The following DLGAP4 variants were observed in gnomAD, a reference collection of about 807,000 sequenced individuals.
DLGAP4 encodes disks large-associated protein 4.
In DLGAP4, 18 loss-of-function variants were observed where a neutral mutation model predicts 86.9. The observed-to-expected ratio is 0.21, with a 90% CI of 0.14 to 0.31. The LOEUF (loss-of-function observed/expected upper bound fraction) is 0.31, where lower values mean the gene tolerates loss of function less well. Ranked by LOEUF, DLGAP4 falls within the 10% of genes least tolerant of loss-of-function variation. The probability of loss-of-function intolerance (pLI) is 1.00; values close to 1 mark genes in which losing one functional copy is unlikely to be tolerated. For synonymous variants in DLGAP4, 548 were observed against 574.3 expected (o/e 0.95, Z 0.65); for missense variants, 1,085 against 1,362.6 (o/e 0.80, Z 3.21).
intron 2 of DLGAP4, among the ~76,000 whole-genome samples, chr20:36,374,527 A>T (rs575456197): frequency 6.6e-6 from 1 of 152,312 alleles, no homozygotes; most frequent in Admixed American, 6.5e-5. Context: ...CTTGATCCTG[A>T]AGGCAGTGGG....
At chr20:36,421,618 A>G (rs898873633) in intron 2 of DLGAP4, among the ~76,000 whole-genome samples, 6 of 151,672 alleles carry the variant, frequency 4.0e-5, no homozygotes, top group Admixed American at 2.0e-4. Flanking sequence ...TGGAAGGGAG[A>G]CTTGTTTTTA....
intron 2 of DLGAP4, among the ~76,000 whole-genome samples, chr20:36,406,255 A>G (rs2032316328): frequency 1.3e-5 from 2 of 151,856 alleles, no homozygotes; most frequent in Non-Finnish European, 2.9e-5. Context: ...AAAATTAGCC[A>G]GGCATGGTGG....
rs746742747 is a variant in DLGAP4 at position 36,461,527 on chromosome 20, GGCCGCC to G, written c.1648+14603_1648+14608del. The G allele has an allele frequency of 2.7e-3, 2,700 of 982,490 alleles. 8 individuals are homozygous for G. The highest frequency in any genetic ancestry group is 3.1e-3 in the Middle Eastern group (6 of 1,916). The allele number at this position is 982,490 out of a possible 1,614,324, so 60.9% of individuals were successfully genotyped here. Reference sequence around the variant, plus strand: ...GGGAGGAGGGTGAGTGCCCGCCGCTGGCCGCCGCCGCCGCCGCCAGTCCGTCCGTCT... The same window carrying G: ...GGGAGGAGGGTGAGTGCCCGCCGCTGGCCGCCGCCGCCAGTCCGTCCGTCT... On this transcript the variant is annotated intron_variant, in intron 7 of 12. Transcript: ENST00000339266.
At chr20:36,499,915 G>A (rs535826851) in intron 9 of DLGAP4, among the ~76,000 whole-genome samples, 9 of 152,310 alleles carry the variant, frequency 5.9e-5, no homozygotes, top group East Asian at 1.9e-4. Context: ...AGGACATGGC[G>A]TCAGCTGCCC....
At chr20:36,464,030 A>G (rs2034226373) in intron 7 of DLGAP4, among the ~76,000 whole-genome samples, 2 of 152,168 alleles carry the variant, frequency 1.3e-5, no homozygotes, top group Admixed American at 6.5e-5. Flanking sequence ...TATAATGACA[A>G]TCTCTAACAT....
intron 1 of DLGAP4, among the ~76,000 whole-genome samples, chr20:36,361,239 A>T (rs1303971079): frequency 1.3e-5 from 2 of 152,166 alleles, no homozygotes; most frequent in Non-Finnish European, 2.9e-5. Flanking sequence ...GTGCTATTTT[A>T]AAAAAACTAT....
intron 4 of DLGAP4, among the ~76,000 whole-genome samples, chr20:36,438,174 C>T (rs1201380304): frequency 1.3e-5 from 2 of 152,026 alleles, no homozygotes; most frequent in Admixed American, 6.6e-5. Flanking sequence ...AGGAGTTTGA[C>T]ACCAGCCTGG....
At chr20:36,320,639 G>A (rs188119701) in intron 1 of DLGAP4, among the ~76,000 whole-genome samples, 2 of 152,148 alleles carry the variant, frequency 1.3e-5, no homozygotes, top group Admixed American at 1.3e-4. Flanking sequence ...TGTCAGGGCT[G>A]GGGGAGGCAG....
In DLGAP4 at chr20:36,306,744, C is replaced by A. The variant is rs1176764463; in HGVS notation, c.-304+232C>A. Among the ~76,000 whole-genome samples the A allele has an allele frequency of 1.3e-5, 2 of 152,152 alleles. No homozygotes were observed. Among genetic ancestry groups the A allele is most frequent in the Non-Finnish European group, 2.9e-5 (2 of 68,006 alleles). ...CCTTCTCCGGTTGGGATCGCCCCAT[C>A]CATGTCTCCCCGGACCCTCAAATCG... is the stretch of plus-strand genomic sequence containing the variant. On this transcript the variant is annotated intron_variant, in intron 1 of 12. Coordinates refer to ENST00000339266, the MANE Select transcript of DLGAP4 (RefSeq NM_001365621.2). The surrounding 1 kb of genome is among the most constrained non-coding windows in gnomAD (Gnocchi z 4.9).
chr20:36,317,368 A>G (rs1177197505), intron 1 of DLGAP4, among the ~76,000 whole-genome samples: 1 of 91,282 alleles, frequency 1.1e-5, no homozygotes, highest in Non-Finnish European at 2.3e-5. Flanking sequence ...TCTTTCTTTC[A>G]TTCTTTCTTT....
chr20:36,360,528 G>A (rs2030481835), intron 1 of DLGAP4, among the ~76,000 whole-genome samples: 1 of 152,192 alleles, frequency 6.6e-6, no homozygotes, highest in Admixed American at 6.5e-5. Context: ...CTGGGAATGG[G>A]TTTAAGTTGT....
At chr20:36,442,842 C>G in intron 6 of DLGAP4, 65 bp downstream of exon 6, 3 of 1,591,620 alleles carry the variant, frequency 1.9e-6, no homozygotes, top group East Asian at 4.5e-5. Context: ...TTAGGCCTGC[C>G]CTCTGAGTGG....
chr20:36,399,210 C>T (rs944416305), intron 2 of DLGAP4, among the ~76,000 whole-genome samples: 2 of 152,056 alleles, frequency 1.3e-5, no homozygotes, highest in South Asian at 4.2e-4. Flanking sequence ...AACAAACAAA[C>T]AACAACAACC....
At chr20:36,512,186 G>C (rs2036743125) in intron 10 of DLGAP4, among the ~76,000 whole-genome samples, 1 of 151,422 alleles carries the variant, frequency 6.6e-6, no homozygotes, top group South Asian at 2.1e-4. Context: ...AAGTAGCTGG[G>C]ACTACAGGTG....
At chr20:36,502,880 T>C (rs1436497644) in intron 10 of DLGAP4, among the ~76,000 whole-genome samples, 1 of 151,986 alleles carries the variant, frequency 6.6e-6, no homozygotes, top group Non-Finnish European at 1.5e-5. Context: ...TGTGCCACCA[T>C]GCCCAGCTAA....
intron 7 of DLGAP4, among the ~76,000 whole-genome samples, chr20:36,495,928 A>C (rs879502116): frequency 2.6e-5 from 4 of 152,090 alleles, no homozygotes; most frequent in Non-Finnish European, 5.9e-5. Flanking sequence ...GCTGGAGTGC[A>C]ATGGTGCAAC....
chr20:36,391,682 T>G (rs2031787899), intron 2 of DLGAP4, among the ~76,000 whole-genome samples: 1 of 152,146 alleles, frequency 6.6e-6, no homozygotes, highest in South Asian at 2.1e-4. Flanking sequence ...CCAGTCCCTT[T>G]GTCTTGCAAA....
intron 10 of DLGAP4, among the ~76,000 whole-genome samples, chr20:36,521,639 C>G (rs1011752217): frequency 6.6e-6 from 1 of 152,198 alleles, no homozygotes; most frequent in African/African-American, 2.4e-5. Context: ...CTACTCAGGA[C>G]AAGTCCTCAG....
chr20:36,377,947 G>A (rs560871567), intron 2 of DLGAP4, among the ~76,000 whole-genome samples: 8 of 152,306 alleles, frequency 5.3e-5, no homozygotes, highest in Middle Eastern at 3.4e-3. Flanking sequence ...CAGGCTCAAC[G>A]ACTTCCGTCC....
Sources: allele counts gnomAD v4.1 joint callset (sites outside exome capture counted in the v4.1 genomes callset), GRCh38; gene constraint gnomAD v4.1.1; non-coding constraint Gnocchi (gnomAD v3.1); transcripts MANE v1.5; gene names NCBI Gene and HGNC (gene_info 2026-07-23, HGNC 2026-07-21).